Variants in SCLT1 observed in about 807,000 individuals in gnomAD.
SCLT1 encodes the protein sodium channel and clathrin linker 1.
SCLT1 carries 78 observed loss-of-function variants against 112.8 expected under a neutral mutation model. The ratio of observed to expected loss-of-function variants is 0.69; its 90% CI spans 0.58 to 0.83. The LOEUF (loss-of-function observed/expected upper bound fraction) is 0.83, where lower values mean the gene tolerates loss of function less well. Among genes scored for constraint, SCLT1 ranks in the 40% least tolerant of loss-of-function variants. The pLI is 0.00. For missense variants in SCLT1, 747 were observed against 770.4 expected, an observed-to-expected ratio of 0.97 and a Z score of 0.36; for synonymous variants, 257 against 254.7, an observed-to-expected ratio of 1.01 and a Z score of -0.09.
At chr4:128,976,983 C>G (rs546125853) in intron 9 of SCLT1, among the ~76,000 whole-genome samples, 1 of 152,066 alleles carries the variant, frequency 6.6e-6, no homozygotes, top group African/African-American at 2.4e-5. Flanking sequence ...ATAATGGTAT[C>G]GGAGCTCAGA....
intron 5 of SCLT1, among the ~76,000 whole-genome samples, chr4:129,016,420 T>C (rs1745001685): frequency 6.6e-6 from 1 of 152,200 alleles, no homozygotes; most frequent in African/African-American, 2.4e-5. Flanking sequence ...ACACGTGGTG[T>C]TTAGTTTTCT....
downstream of SCLT1, among the ~76,000 whole-genome samples, chr4:128,879,862 TAA>T (rs989605683): frequency 6.6e-6 from 1 of 152,192 alleles, no homozygotes; most frequent in African/African-American, 2.4e-5. Context: ...ATGTAAATAT[TAA>T]AGATTTCCTT....
chr4:128,971,608 T>C (rs1740694363), intron 9 of SCLT1: 1 of 152,154 alleles, frequency 6.6e-6, no homozygotes, highest in South Asian at 2.1e-4. Flanking sequence ...CAATACGTAA[T>C]AAAACTAGTA....
At chr4:129,025,812 G>GTT (rs1746009922) in intron 5 of SCLT1, among the ~76,000 whole-genome samples, 1 of 151,480 alleles carries the variant, frequency 6.6e-6, no homozygotes, top group Non-Finnish European at 1.5e-5. Flanking sequence ...CCCATCTCAC[G>GTT]TGCAGAGACA....
At chr4:128,907,717 T>C (rs1338539957) in intron 18 of SCLT1, among the ~76,000 whole-genome samples, 1 of 144,256 alleles carries the variant, frequency 6.9e-6, no homozygotes, top group Non-Finnish European at 1.5e-5. Context: ...TTCTCTATCA[T>C]AGAAATGAAT....
chr4:129,057,749 C>CT (rs996397740), intron 2 of SCLT1, among the ~76,000 whole-genome samples: 51 of 145,414 alleles, frequency 3.5e-4, no homozygotes, highest in African/African-American at 8.7e-4. Context: ...ATTTGTATTT[C>CT]TTTTTTTTTT....
chr4:129,026,724 GAC>G (rs1746128673), intron 5 of SCLT1, among the ~76,000 whole-genome samples: 1 of 152,064 alleles, frequency 6.6e-6, no homozygotes, highest in African/African-American at 2.4e-5. Flanking sequence ...AGGAAACAGA[GAC>G]ACAAAAAACC....
At chr4:129,069,694 C>G (rs1335781778) in intron 2 of SCLT1, among the ~76,000 whole-genome samples, 2 of 152,112 alleles carry the variant, frequency 1.3e-5, no homozygotes, top group South Asian at 2.1e-4. Flanking sequence ...ATCATATCAT[C>G]AGCAAACAGT....
At chr4:129,005,370 A>T (rs1199800921) in intron 5 of SCLT1, among the ~76,000 whole-genome samples, 1 of 152,224 alleles carries the variant, frequency 6.6e-6, no homozygotes, top group Non-Finnish European at 1.5e-5. Flanking sequence ...CTGAGAATTA[A>T]AGTGTCTTAT....
intron 2 of SCLT1, among the ~76,000 whole-genome samples, chr4:129,059,400 T>A (rs1749747701): frequency 6.6e-6 from 1 of 152,200 alleles, no homozygotes; most frequent in African/African-American, 2.4e-5. Flanking sequence ...TTTTCTCTAG[T>A]GATAAGGTTT....
At chr4:129,069,512 T>TTTAA in intron 2 of SCLT1, among the ~76,000 whole-genome samples, 1 of 151,526 alleles carries the variant, frequency 6.6e-6, no homozygotes, top group Non-Finnish European at 1.5e-5. Context: ...ATTTTATTTA[T>TTTAA]TTTTGCAGCT....
intron 18 of SCLT1, among the ~76,000 whole-genome samples, chr4:128,898,593 C>T (rs1329879109): frequency 6.6e-6 from 1 of 152,064 alleles, no homozygotes; most frequent in African/African-American, 2.4e-5. Flanking sequence ...AATTGACACC[C>T]TAACATCACA....
intron 20 of SCLT1, among the ~76,000 whole-genome samples, chr4:128,885,052 G>A (rs953634524): frequency 5.3e-5 from 8 of 152,122 alleles, no homozygotes; most frequent in African/African-American, 1.7e-4. Flanking sequence ...AGGGTGATAC[G>A]CTTAGAATTG....
At chr4:128,985,872 C>A (rs1742047001) in intron 9 of SCLT1, among the ~76,000 whole-genome samples, 1 of 152,124 alleles carries the variant, frequency 6.6e-6, no homozygotes, top group Admixed American at 6.5e-5. Context: ...AGCCACTGTG[C>A]CCAGCCTAAA....
At chr4:128,937,483 T>C (rs1401752538) in intron 17 of SCLT1, among the ~76,000 whole-genome samples, 26 of 152,180 alleles carry the variant, frequency 1.7e-4, no homozygotes, top group Admixed American at 1.7e-3. Flanking sequence ...TTTACTCTGA[T>C]TTCTGTTGCC....
At chr4:128,993,165 T>C (rs1484854017) in intron 8 of SCLT1, among the ~76,000 whole-genome samples, 1 of 152,034 alleles carries the variant, frequency 6.6e-6, no homozygotes, top group African/African-American at 2.4e-5. Context: ...CATTCCTCAA[T>C]ACCATGTGTG....
chr4:128,951,198 G>T (rs903182451), intron 14 of SCLT1, among the ~76,000 whole-genome samples: 2 of 151,998 alleles, frequency 1.3e-5, no homozygotes, highest in Admixed American at 6.6e-5. Context: ...GCAAGCATCA[G>T]GTTATTATGC....
At chr4:128,913,921 A>T (rs1332295377) in intron 18 of SCLT1, among the ~76,000 whole-genome samples, 1 of 152,118 alleles carries the variant, frequency 6.6e-6, no homozygotes. Context: ...AAAAGGTATG[A>T]GTCTTTGCTG....
intron 5 of SCLT1, among the ~76,000 whole-genome samples, chr4:129,032,363 T>C (rs1334875422): frequency 6.6e-6 from 1 of 152,054 alleles, no homozygotes; most frequent in Non-Finnish European, 1.5e-5. Flanking sequence ...GACTTAAATG[T>C]AAAACCCAAA....
Sources: allele counts gnomAD v4.1 joint callset (sites outside exome capture counted in the v4.1 genomes callset), GRCh38; gene constraint gnomAD v4.1.1; transcripts MANE v1.5; gene names NCBI Gene and HGNC (gene_info 2026-07-23, HGNC 2026-07-21).